CCDC191: variants seen among roughly 807,000 people sequenced by gnomAD.
CCDC191 encodes coiled-coil domain containing 191, also known as coiled-coil domain-containing protein 191.
A neutral mutation model predicts 114.0 loss-of-function variants in CCDC191; 99 were observed. The observed-to-expected ratio is 0.87, with a 90% CI of 0.74 to 1.03. The LOEUF (loss-of-function observed/expected upper bound fraction) is 1.03. CCDC191 is among the 50% of genes least tolerant of loss of function. CCDC191 has a pLI of 0.00. For synonymous variants in CCDC191, 351 were observed against 376.0 expected, an observed-to-expected ratio of 0.93 and a Z score of 0.77; for missense variants, 973 against 1,087.0, an observed-to-expected ratio of 0.90 and a Z score of 1.47.
chr3:113,983,235 C>T (rs1432249264), intron 13 of CCDC191, among the ~76,000 whole-genome samples: 1 of 152,174 alleles, frequency 6.6e-6, no homozygotes, highest in Non-Finnish European at 1.5e-5. Flanking sequence ...TGTTCTCTTT[C>T]TACCTCACTA....
chr3:113,991,013 G>A (rs1056686221), intron 13 of CCDC191, among the ~76,000 whole-genome samples: 4 of 150,712 alleles, frequency 2.7e-5, no homozygotes, highest in Admixed American at 1.3e-4. Context: ...TGAAGTGGGC[G>A]GATCACAAGG....
intron 13 of CCDC191, among the ~76,000 whole-genome samples, chr3:113,992,432 C>T (rs1194123022): frequency 1.3e-5 from 2 of 152,106 alleles, no homozygotes; most frequent in African/African-American, 4.8e-5. Flanking sequence ...CCCTACTAAC[C>T]AATAAACAAC....
chr3:113,990,279 CATTAAAAAG>C (rs1396870756), intron 13 of CCDC191, among the ~76,000 whole-genome samples: 2 of 151,828 alleles, frequency 1.3e-5, no homozygotes, highest in African/African-American at 2.4e-5. Flanking sequence ...ATCTCATAGA[CATTAAAAAG>C]GTCATAAGAG....
chr3:114,003,139 G>A (rs2075885437), intron 11 of CCDC191: 4 of 985,406 alleles, frequency 4.1e-6, no homozygotes, highest in Non-Finnish European at 4.8e-6. Context: ...GAATTTGAGT[G>A]TCAGACTCCT....
At position 114,031,586 on chromosome 3, in the gene CCDC191, T is replaced by C. The variant is rs780412915; in HGVS notation, c.972+40A>G. On this transcript the variant is annotated intron_variant, in intron 7 of 16. Transcript: ENST00000295878. ...CTCTGATGGAGCTCTTTGTCATTTA[T>C]ACTACAGAATGCTGAGTAAAGAGAC... 3.9e-6 allele frequency: 6 copies of C among 1,532,766 alleles called. No individual in the cohort carries two copies. The South Asian group carries it at 6.8e-5, about 17-fold the overall frequency. 94.9% of individuals were successfully genotyped at this position (1,532,766 alleles called of 1,614,324 possible).
chr3:113,997,191 G>T (rs1052221072), intron 13 of CCDC191, among the ~76,000 whole-genome samples: 61 of 152,104 alleles, frequency 4.0e-4, no homozygotes, highest in African/African-American at 1.4e-3. Flanking sequence ...TGGGAGCCAG[G>T]TTTCATGCTG....
chr3:114,046,618 C>T lies in CCDC191; in HGVS notation c.244G>A (p.Glu82Lys), dbSNP rs200240124. 6.2e-7 allele frequency: 1 copy of T among 1,603,728 alleles called. No individual in the cohort carries two copies. The highest frequency in any genetic ancestry group is 2.2e-5 in the East Asian group (1 of 44,738). The change falls in exon 3 of 17, where the codon GAG (glutamate) becomes AAG (lysine). Residue 82 changes from glutamate (E) to lysine (K), a missense_variant. Transcript: ENST00000295878. The part of the protein sequence containing the change: ...ITDLKTSEQI[E>K]DHDEIYAEAQ... ...TCTGCATAGATTTCATCATGATCCT[C>T]TATTTGCTCAGATGTTTTCAAATCT...
At chr3:114,027,338 G>A (rs925790358) in intron 7 of CCDC191, among the ~76,000 whole-genome samples, 2 of 152,160 alleles carry the variant, frequency 1.3e-5, no homozygotes, top group African/African-American at 2.4e-5. Context: ...GAATTAGGCC[G>A]GGCGTGGTGG....
chr3:114,029,904 A>G (rs374567601), intron 7 of CCDC191, among the ~76,000 whole-genome samples: 9 of 152,212 alleles, frequency 5.9e-5, no homozygotes, highest in African/African-American at 2.2e-4. Flanking sequence ...AATGTCACAC[A>G]CTGGAGGAGA....
At chr3:113,967,289 G>A (rs145251109) in intron 16 of CCDC191, among the ~76,000 whole-genome samples, 237 of 152,052 alleles carry the variant, frequency 1.6e-3, no homozygotes, top group African/African-American at 5.3e-3. Flanking sequence ...GTTCTCTGAC[G>A]TCTGCATTTT....
chr3:114,006,559 C>T (rs1250197048), intron 9 of CCDC191, among the ~76,000 whole-genome samples: 1 of 135,604 alleles, frequency 7.4e-6, no homozygotes, highest in Non-Finnish European at 1.5e-5. Context: ...TTGGACAGTT[C>T]ATTTGTGAAT....
chr3:114,034,703 A>G (rs1014126457), intron 6 of CCDC191, among the ~76,000 whole-genome samples: 3 of 152,234 alleles, frequency 2.0e-5, no homozygotes, highest in Non-Finnish European at 4.4e-5. Flanking sequence ...CAGAATTACA[A>G]ATTAAATGTA....
At chr3:114,005,465 C>A in intron 10 of CCDC191, 43 bp downstream of exon 10, 1 of 1,533,464 alleles carries the variant, frequency 6.5e-7, no homozygotes, top group Middle Eastern at 1.8e-4. Flanking sequence ...AAGTGAAAAA[C>A]CCCTTAAAAT....
chr3:113,989,762 G>A (rs898066270), intron 13 of CCDC191, among the ~76,000 whole-genome samples: 3 of 152,138 alleles, frequency 2.0e-5, no homozygotes, highest in African/African-American at 7.2e-5. Flanking sequence ...AAGGTGGGAG[G>A]ATCTCTTGAG....
At position 113,980,800 on chromosome 3, in the gene CCDC191, A is replaced by G. The variant is rs1196973592; in HGVS notation, c.2164-7T>C. 10 of 1,593,580 alleles carry G rather than the reference A, an allele frequency of 6.3e-6. No homozygotes were observed. The highest frequency in any genetic ancestry group is 2.2e-5 in the East Asian group (1 of 44,630). On this transcript the variant is annotated splice_polypyrimidine_tract_variant and splice_region_variant and intron_variant, in intron 13 of 16. Coordinates refer to ENST00000295878, the MANE Select transcript of CCDC191 (RefSeq NM_020817.2). Reference sequence around the variant, plus strand: ...TCTGCTTCTCAAGTTCTTTCTGGAAAAGATTAAAAAGCAAAATGCTATGAT... The same window carrying G: ...TCTGCTTCTCAAGTTCTTTCTGGAAGAGATTAAAAAGCAAAATGCTATGAT...
intron 11 of CCDC191, chr3:114,003,416 C>A: frequency 1.0e-6 from 1 of 985,308 alleles, no homozygotes. Flanking sequence ...GTCTGCTTTG[C>A]TGAAAAAGAA....
chr3:114,043,967 T>C (rs2076596845), intron 3 of CCDC191, among the ~76,000 whole-genome samples: 1 of 152,012 alleles, frequency 6.6e-6, no homozygotes, highest in Admixed American at 6.6e-5. Flanking sequence ...AGGCCAAGGA[T>C]AGCAGCAGGC....
Position 114,019,654 on chromosome 3 carries a change from G to C in CCDC191, c.973-786C>G, listed in dbSNP as rs78668867. On this transcript the variant is annotated intron_variant, in intron 7 of 16. Coordinates refer to ENST00000295878, the MANE Select transcript of CCDC191 (RefSeq NM_020817.2). ...TTGACACCAACCATGCCATTTCATA[G>C]TTTCCTATGTTCATATTACGTTGGT... Among the ~76,000 whole-genome samples, 517 of 152,244 alleles carry C rather than the reference G, an allele frequency of 3.4e-3. 2 individuals are homozygous for C. Among genetic ancestry groups the C allele is most frequent in the African/African-American group, 0.012 (497 of 41,524 alleles).
intron 8 of CCDC191, among the ~76,000 whole-genome samples, chr3:114,014,264 T>C (rs184146741): frequency 6.3e-4 from 96 of 152,280 alleles, no homozygotes; most frequent in African/African-American, 2.2e-3. Flanking sequence ...AAATGGAAGA[T>C]AAAAACTGTT....
Sources: allele counts gnomAD v4.1 joint callset (sites outside exome capture counted in the v4.1 genomes callset), GRCh38; gene constraint gnomAD v4.1.1; transcripts MANE v1.5; gene names NCBI Gene and HGNC (gene_info 2026-07-23, HGNC 2026-07-21).